SETBP1: variants seen among roughly 807,000 people sequenced by gnomAD.
SETBP1 encodes the protein SET-binding protein.
Under a neutral mutation model 101.0 loss-of-function variants are expected in SETBP1, and 9 were observed. That is an observed-to-expected ratio of 0.09 (90% CI 0.05 to 0.16). The LOEUF is 0.16. SETBP1 is among the 10% of genes least tolerant of loss of function. The pLI is 1.00. For missense variants in SETBP1, 1,858 were observed against 2,033.8 expected, an observed-to-expected ratio of 0.91 and a Z score of 1.66; for synonymous variants, 818 against 788.5, an observed-to-expected ratio of 1.04 and a Z score of -0.63.
intron 2 of SETBP1, among the ~76,000 whole-genome samples, chr18:44,815,035 C>G (rs554937960): frequency 2.0e-5 from 3 of 152,258 alleles, no homozygotes; most frequent in East Asian, 3.9e-4. Context: ...TATGACAGAC[C>G]CTGATGGTGA....
chr18:44,851,099 G>A (rs1271334822), intron 2 of SETBP1, among the ~76,000 whole-genome samples: 3 of 152,134 alleles, frequency 2.0e-5, no homozygotes, highest in Non-Finnish European at 4.4e-5. Flanking sequence ...ATGAAGCGGG[G>A]CACATATTGT....
At chr18:44,921,144 TC>T (rs1180230443) in intron 3 of SETBP1, among the ~76,000 whole-genome samples, 1 of 152,226 alleles carries the variant, frequency 6.6e-6, no homozygotes, top group Non-Finnish European at 1.5e-5. Context: ...GTTTTGTTCT[TC>T]ATAAAGTCAA....
chr18:45,012,737 A>T (rs1352534932), intron 4 of SETBP1, among the ~76,000 whole-genome samples: 1 of 152,228 alleles, frequency 6.6e-6, no homozygotes, highest in Non-Finnish European at 1.5e-5. Context: ...ACCAGCCATT[A>T]TCTTAAATGA....
At chr18:44,937,694 T>C (rs1051110231) in intron 3 of SETBP1, among the ~76,000 whole-genome samples, 1 of 152,118 alleles carries the variant, frequency 6.6e-6, no homozygotes, top group Non-Finnish European at 1.5e-5. Context: ...TGCTAGTCCT[T>C]GAGCTCCACC....
intron 3 of SETBP1, among the ~76,000 whole-genome samples, chr18:44,893,165 A>G (rs1213845100): frequency 6.6e-6 from 1 of 152,056 alleles, no homozygotes; most frequent in Non-Finnish European, 1.5e-5. Flanking sequence ...ATTCCTTCTC[A>G]TCTTCTTAAG....
intron 4 of SETBP1, among the ~76,000 whole-genome samples, chr18:45,024,841 G>A (rs906393246): frequency 3.3e-5 from 5 of 152,178 alleles, no homozygotes; most frequent in South Asian, 2.1e-4. Flanking sequence ...AAGAAATGTT[G>A]AGATGCATTT....
intron 2 of SETBP1, among the ~76,000 whole-genome samples, chr18:44,863,150 C>G (rs1029040494): frequency 6.6e-6 from 1 of 152,174 alleles, no homozygotes; most frequent in Non-Finnish European, 1.5e-5. Context: ...TGGTCTCCTT[C>G]ATGGTTGGTC....
chr18:45,008,299 G>A (rs763202000), intron 4 of SETBP1, among the ~76,000 whole-genome samples: 16 of 152,170 alleles, frequency 1.1e-4, no homozygotes, highest in Non-Finnish European at 1.8e-4. Flanking sequence ...TGAGGGGTCT[G>A]ACCAGAAGCC....
intron 4 of SETBP1, among the ~76,000 whole-genome samples, chr18:44,994,454 A>G (rs1432648825): frequency 4.6e-5 from 7 of 152,184 alleles, no homozygotes; most frequent in Non-Finnish European, 8.8e-5. Flanking sequence ...TTGACACAAA[A>G]ATTTTGAAAA....
At chr18:44,965,803 T>C (rs1567997342) in intron 4 of SETBP1, among the ~76,000 whole-genome samples, 1 of 152,188 alleles carries the variant, frequency 6.6e-6, no homozygotes, top group Non-Finnish European at 1.5e-5. Context: ...GAGAATTCTG[T>C]TTCTGAATGT....
At chr18:44,968,249 A>T (rs1423028118) in intron 4 of SETBP1, among the ~76,000 whole-genome samples, 22 of 152,180 alleles carry the variant, frequency 1.4e-4, no homozygotes, top group Non-Finnish European at 1.0e-4. Flanking sequence ...TTCATTCATC[A>T]TACACACACA....
intron 2 of SETBP1, among the ~76,000 whole-genome samples, chr18:44,749,036 T>A (rs1470061444): frequency 6.6e-6 from 1 of 152,108 alleles, no homozygotes; most frequent in Non-Finnish European, 1.5e-5. Flanking sequence ...CTGGGGTAGT[T>A]ATGAGAGGGG....
intron 2 of SETBP1, among the ~76,000 whole-genome samples, chr18:44,794,123 G>C (rs2071422023): frequency 6.6e-6 from 1 of 152,108 alleles, no homozygotes; most frequent in Non-Finnish European, 1.5e-5. Flanking sequence ...ACAGGGGAGG[G>C]CTAAATAAGA....
At chr18:45,012,901 C>T (rs2072868632) in intron 4 of SETBP1, among the ~76,000 whole-genome samples, 1 of 152,114 alleles carries the variant, frequency 6.6e-6, no homozygotes, top group Non-Finnish European at 1.5e-5. Flanking sequence ...GAAAAATTAC[C>T]ACTAAAAGCC....
In SETBP1 at chr18:44,792,820, TC is replaced by T. The variant is rs2071396386; in HGVS notation, c.487-76406del. ...AGCTCTGACTTTGAAGAGGAATTTCTCCCCTTAGGGCTCTATTCCTGGTATA... is the reference window on the plus strand; with the variant it reads ...AGCTCTGACTTTGAAGAGGAATTTCTCCCTTAGGGCTCTATTCCTGGTATA... On this transcript the variant is annotated intron_variant, in intron 2 of 5. Transcript: ENST00000649279. Among the ~76,000 whole-genome samples the T allele has an allele frequency of 2.6e-5, 4 of 152,274 alleles. No individual in the cohort carries two copies. The South Asian group carries it at 8.3e-4, about 32-fold the overall frequency.
rs16978154 is a variant in SETBP1, at chr18:44,757,438, A to C, written c.486+55606A>C. Among the ~76,000 whole-genome samples the C allele has an allele frequency of 4.7e-3, 721 of 152,278 alleles. 5 individuals carry two copies. The highest frequency in any genetic ancestry group is 0.016 in the African/African-American group (685 of 41,558). On this transcript the variant is annotated intron_variant, in intron 2 of 5. Coordinates refer to ENST00000649279, the MANE Select transcript of SETBP1 (RefSeq NM_015559.3). The stretch of plus-strand genomic sequence containing the variant: ...CGCTGACTAGACAGATTCAATCCGC[A>C]CTAGCCACCTATAGCCAAGGATGCA...
Position 45,038,627 on chromosome 18 carries a change from T to G in SETBP1, c.4143T>G (p.Leu1381=), listed in dbSNP as rs1451873114. ...TIPPAPVLSL[L]AASAATSDAV... ...CACCAGCCCCAGTGTTATCTCTCCT[T>G]GCTGCATCTGCAGCAACGTCGGATG... Residue 1381 remains leucine (L), a synonymous_variant, in exon 5 of 6, where the codon CTT becomes CTG. Coordinates refer to ENST00000649279, the MANE Select transcript of SETBP1 (RefSeq NM_015559.3). The G allele has an allele frequency of 1.9e-6, 3 of 1,614,064 alleles. No individual in the cohort carries two copies. Among genetic ancestry groups the G allele is most frequent in the Non-Finnish European group, 2.5e-6 (3 of 1,180,024 alleles).
chr18:44,998,351 T>C (rs2072543331), intron 4 of SETBP1, among the ~76,000 whole-genome samples: 1 of 152,248 alleles, frequency 6.6e-6, no homozygotes, highest in African/African-American at 2.4e-5. Context: ...CTTGACTCTG[T>C]GGCGACCTCT....
intron 2 of SETBP1, among the ~76,000 whole-genome samples, chr18:44,786,190 G>A (rs1235218562): frequency 6.6e-6 from 1 of 152,118 alleles, no homozygotes; most frequent in African/African-American, 2.4e-5. Context: ...CCTTGGAAAT[G>A]CAATGTTTTA....
Sources: gnomAD v4.1 joint callset for allele counts (sites outside exome capture counted in the v4.1 genomes callset) on GRCh38, gnomAD v4.1.1 for gene constraint, MANE v1.5 for transcripts, NCBI Gene and HGNC (gene_info 2026-07-23, HGNC 2026-07-21) for gene names.